The following PRMT8 variants were observed in gnomAD, a reference collection of about 807,000 sequenced individuals.
PRMT8 encodes the protein protein arginine methyltransferase 8.
In PRMT8, 7 loss-of-function variants were observed where a neutral mutation model predicts 47.1. The observed-to-expected ratio is 0.15, with a 90% CI of 0.08 to 0.28. The LOEUF (loss-of-function observed/expected upper bound fraction) is 0.28, where lower values mean the gene tolerates loss of function less well. Ranked by LOEUF, PRMT8 falls within the 10% of genes least tolerant of loss-of-function variation. The pLI is 1.00. For synonymous variants in PRMT8, 188 were observed against 186.5 expected (o/e 1.01, Z -0.07); for missense variants, 237 against 505.4 (o/e 0.47, Z 5.09).
chr12:3,522,111 T>G (rs1220832241), intron 1 of PRMT8, among the ~76,000 whole-genome samples: 1 of 147,164 alleles, frequency 6.8e-6, no homozygotes, highest in Non-Finnish European at 1.5e-5. Context: ...CCAATAGCAC[T>G]CCTTAGGATT....
intron 1 of PRMT8, among the ~76,000 whole-genome samples, chr12:3,442,558 C>A (rs1438246645): frequency 4.6e-5 from 7 of 152,136 alleles, no homozygotes; most frequent in Admixed American, 6.5e-5. Context: ...ATCTATGCTG[C>A]AAAGAGAATG....
chr12:3,386,429 A>C (rs2137043212), intron 1 of PRMT8, among the ~76,000 whole-genome samples: 1 of 152,314 alleles, frequency 6.6e-6, no homozygotes, highest in African/African-American at 2.4e-5. Flanking sequence ...TGCCAGATTA[A>C]ATTTTCTTGG....
At position 3,453,336 on chromosome 12, in the gene PRMT8, A is replaced by T. The variant is rs539804205; in HGVS notation, c.48+71894A>T. Among the ~76,000 whole-genome samples, 1 of 152,214 alleles carries T rather than the reference A, an allele frequency of 6.6e-6. No individual in the cohort carries two copies. The highest frequency in any genetic ancestry group is 2.4e-5 in the African/African-American group (1 of 41,542). On this transcript the variant is annotated intron_variant, in intron 1 of 9. Coordinates refer to the PRMT8 transcript ENST00000452611. The surrounding 1 kb of genome is among the most constrained non-coding windows in gnomAD (Gnocchi z 4.9). ...TCCTGGGCCTCGGGCCCCAGTGTTG[A>T]GTCTGGCAGCAGATCCCCAAGGGGT...
In PRMT8 at chr12:3,492,052, G is replaced by A. The variant is rs1865422976; in HGVS notation, c.75+352G>A. On this transcript the variant is annotated intron_variant, in intron 1 of 9. Coordinates refer to ENST00000382622, the MANE Select transcript of PRMT8 (RefSeq NM_019854.5). The surrounding 1 kb of genome is among the most constrained non-coding windows in gnomAD (Gnocchi z 7.5). ...CCGCGCTCCCCTGCCCTCTCCTCTG[G>A]GCTCCGTGAGGGCTCCCGGGTCCCG... Among the ~76,000 whole-genome samples the A allele has an allele frequency of 6.6e-6, 1 of 151,948 alleles. No individual in the cohort carries two copies. The highest frequency in any genetic ancestry group is 6.6e-5 in the Admixed American group (1 of 15,256).
intron 1 of PRMT8, among the ~76,000 whole-genome samples, chr12:3,430,301 T>C (rs181025352): frequency 3.4e-4 from 52 of 152,338 alleles, no homozygotes; most frequent in African/African-American, 1.1e-3. Context: ...GGGTTGATTT[T>C]TAACTACCAG....
At chr12:3,541,718 C>T (rs112193616) in intron 2 of PRMT8, among the ~76,000 whole-genome samples, 3,113 of 152,240 alleles carry the variant, frequency 0.02, 52 homozygotes, top group Middle Eastern at 0.034. Flanking sequence ...CTGCCATTGC[C>T]GGAAGGGTGT....
chr12:3,435,567 G>C (rs1158478094), intron 1 of PRMT8, among the ~76,000 whole-genome samples: 1 of 149,654 alleles, frequency 6.7e-6, no homozygotes, highest in Non-Finnish European at 1.5e-5. Flanking sequence ...TGTCACCCAG[G>C]CTGGAGTGCA....
At chr12:3,431,475 G>A (rs1864676079) in intron 1 of PRMT8, among the ~76,000 whole-genome samples, 1 of 152,128 alleles carries the variant, frequency 6.6e-6, no homozygotes, top group African/African-American at 2.4e-5. Context: ...AGCGTGGGAG[G>A]TCAGGATCAA....
At chr12:3,581,810 G>A (rs1279991181) in intron 7 of PRMT8, among the ~76,000 whole-genome samples, 1 of 152,206 alleles carries the variant, frequency 6.6e-6, no homozygotes. Flanking sequence ...GATCTCATTG[G>A]TTCCCTTAAC....
At position 3,491,274 on chromosome 12, in the gene PRMT8, AG is replaced by A; in HGVS notation, c.-351del. 9.5e-7 allele frequency: 1 copy of A among 1,047,786 alleles called. No individual in the cohort carries two copies. Among genetic ancestry groups the A allele is most frequent in the Non-Finnish European group, 1.1e-6 (1 of 870,370 alleles). The allele number at this position is 1,047,786 out of a possible 1,614,324, so 64.9% of individuals were successfully genotyped here. On this transcript the variant is annotated 5_prime_UTR_variant, in exon 1 of 10. Transcript: ENST00000382622. ...CTCCGGCCGGCCGGACTTTGCGAGC[AG>A]CCTGGAGAGGATCCGCGACCGCCGC...
At chr12:3,497,399 A>G (rs929970704) in intron 1 of PRMT8, among the ~76,000 whole-genome samples, 1 of 152,182 alleles carries the variant, frequency 6.6e-6, no homozygotes, top group African/African-American at 2.4e-5. Flanking sequence ...AAACTCCTCG[A>G]GTGTCTCAGT....
At chr12:3,545,777 C>T (rs1003996106) in intron 2 of PRMT8, among the ~76,000 whole-genome samples, 3 of 152,200 alleles carry the variant, frequency 2.0e-5, no homozygotes, top group Admixed American at 6.5e-5. Context: ...ATTTTTAACA[C>T]TTCTGTCTTG....
At chr12:3,480,656 C>CT (rs970979266) in intron 1 of PRMT8, among the ~76,000 whole-genome samples, 1 of 150,732 alleles carries the variant, frequency 6.6e-6, no homozygotes, top group African/African-American at 2.4e-5. Flanking sequence ...CTTCCTCCCC[C>CT]CACCGCTTTC....
intron 1 of PRMT8, among the ~76,000 whole-genome samples, chr12:3,515,402 T>C (rs937311968): frequency 2.0e-5 from 3 of 152,182 alleles, no homozygotes; most frequent in Non-Finnish European, 2.9e-5. Flanking sequence ...CCTTAGGAGA[T>C]ATACCTAATG....
chr12:3,490,675 A>AAGAGAGAGAG (rs370069857), upstream of PRMT8, among the ~76,000 whole-genome samples: 2,243 of 120,934 alleles, frequency 0.019, 44 homozygotes, highest in South Asian at 0.037. Flanking sequence ...TTTGGGTACA[A>AAGAGAGAGAG]AGAGAGAGAG....
In PRMT8 at chr12:3,538,751, A is replaced by C; in HGVS notation, c.76-1855A>C. ...CAGGAGTGTGCACTTGACACAGTCTATTTTTAGCCTCCCAGAGACCGTGAC... is the reference window on the plus strand; with the variant it reads ...CAGGAGTGTGCACTTGACACAGTCTCTTTTTAGCCTCCCAGAGACCGTGAC... On this transcript the variant is annotated intron_variant, in intron 1 of 9. Transcript: ENST00000382622. This position sits in a 1 kb window ranked among gnomAD's most constrained non-coding sequence, Gnocchi z 4.6. 3.9e-6 allele frequency: 2 copies of C among 518,804 alleles called. No individual in the cohort carries two copies. Among genetic ancestry groups the C allele is most frequent in the Non-Finnish European group, 7.7e-6 (2 of 259,776 alleles). 32.1% of individuals were successfully genotyped at this position (518,804 alleles called of 1,614,324 possible).
At chr12:3,476,851 G>A (rs565423054) in intron 1 of PRMT8, among the ~76,000 whole-genome samples, 15 of 152,316 alleles carry the variant, frequency 9.8e-5, no homozygotes, top group African/African-American at 3.4e-4. Flanking sequence ...AGTAGGCACT[G>A]GGCTTCGAGT....
chr12:3,393,560 T>C (rs922777146), intron 1 of PRMT8, among the ~76,000 whole-genome samples: 22 of 152,312 alleles, frequency 1.4e-4, no homozygotes, highest in Admixed American at 2.6e-4. Flanking sequence ...TCTGTTCTGT[T>C]CCATTGGTCT....
At chr12:3,404,691 T>G (rs1864355089) in intron 1 of PRMT8, among the ~76,000 whole-genome samples, 1 of 152,224 alleles carries the variant, frequency 6.6e-6, no homozygotes, top group African/African-American at 2.4e-5. Flanking sequence ...GTTCTTCCCT[T>G]TCCTTATTGA....
Sources: allele counts gnomAD v4.1 joint callset (sites outside exome capture counted in the v4.1 genomes callset), GRCh38; gene constraint gnomAD v4.1.1; non-coding constraint Gnocchi (gnomAD v3.1); transcripts MANE v1.5; gene names NCBI Gene and HGNC (gene_info 2026-07-23, HGNC 2026-07-21).